Variants in ROS1 observed in about 807,000 individuals in gnomAD.
ROS1 encodes the protein proto-oncogene tyrosine-protein kinase ROS.
A neutral mutation model predicts 273.5 loss-of-function variants in ROS1; 263 were observed. The ratio of observed to expected loss-of-function variants is 0.96; its 90% CI spans 0.87 to 1.06. ROS1 has a LOEUF of 1.06. Among genes scored for constraint, ROS1 ranks in the 50% least tolerant of loss-of-function variants. The pLI, the probability that ROS1 is intolerant of heterozygous loss-of-function variation, is 0.00. For missense variants in ROS1, 2,833 were observed against 2,751.1 expected (o/e 1.03, Z -0.67); for synonymous variants, 1,008 against 954.1 (o/e 1.06, Z -1.04).
At chr6:117,342,364 T>A (rs372790404) in intron 29 of ROS1, 36 bp downstream of exon 29, 40 of 1,594,428 alleles carry the variant, frequency 2.5e-5, no homozygotes, top group Non-Finnish European at 3.3e-5. Context: ...ATCACAATAT[T>A]CTGCTTGAGA....
intron 32 of ROS1, among the ~76,000 whole-genome samples, chr6:117,336,695 T>C (rs1777505731): frequency 6.6e-6 from 1 of 152,172 alleles, no homozygotes; most frequent in Non-Finnish European, 1.5e-5. Flanking sequence ...TAACTAGTAA[T>C]GTAATTTCTA....
chr6:117,334,542 A>C (rs1370763717), intron 32 of ROS1, among the ~76,000 whole-genome samples: 1 of 152,220 alleles, frequency 6.6e-6, no homozygotes, highest in Non-Finnish European at 1.5e-5. Context: ...AGCCAAGACA[A>C]TCCTAAGCAA....
intron 27 of ROS1, among the ~76,000 whole-genome samples, chr6:117,348,978 T>C (rs1778595499): frequency 6.6e-6 from 1 of 152,008 alleles, no homozygotes; most frequent in Non-Finnish European, 1.5e-5. Context: ...TTAAATTTGT[T>C]GAAGTGTATT....
chr6:117,425,396 AT>A, intron 1 of ROS1, 137 bp downstream of exon 1: 1 of 758,924 alleles, frequency 1.3e-6, no homozygotes, highest in Non-Finnish European at 2.0e-6. Context: ...TTAAGAAAAA[AT>A]AATCTATCTT....
intron 33 of ROS1, among the ~76,000 whole-genome samples, chr6:117,326,782 C>T (rs1562274882): frequency 6.6e-6 from 1 of 152,110 alleles, no homozygotes; most frequent in Non-Finnish European, 1.5e-5. Flanking sequence ...AATTTTCAGT[C>T]TTTTACATTA....
chr6:117,418,409 T>A, intron 2 of ROS1, 53 bp downstream of exon 2: 1 of 1,264,240 alleles, frequency 7.9e-7, no homozygotes, highest in Admixed American at 1.9e-5. Context: ...CATTGTCCCT[T>A]CATTATCAAC....
rs770688968 is a variant in ROS1, at chr6:117,308,888, G to A, written c.6457C>T (p.His2153Tyr). The change falls in exon 42 of 44, where the codon CAT (histidine) becomes TAT (tyrosine). Residue 2153 changes from histidine to tyrosine, a missense_variant. Physicochemically the swap from His to Tyr is moderately conservative, Grantham distance 83. Transcript: ENST00000368507. ...TTGGAATGAGCTGGATAAGGCTGATGACCAAGAGTTAAAATCTCCCAAATC... is the reference window on the plus strand; with the variant it reads ...TTGGAATGAGCTGGATAAGGCTGATAACCAAGAGTTAAAATCTCCCAAATC... ...ILIWEILTLG[H>Y]QPYPAHSNLD... 10 of 1,613,258 alleles carry A rather than the reference G, an allele frequency of 6.2e-6. No individual in the cohort carries two copies. The highest frequency in any genetic ancestry group is 1.7e-4 in the Middle Eastern group (1 of 6,054).
Position 117,341,593 on chromosome 6 carries a change from G to T in ROS1, c.4691C>A (p.Ser1564Ter). 2 of 1,613,636 alleles carry T rather than the reference G, an allele frequency of 1.2e-6. No homozygotes were observed. Among genetic ancestry groups the T allele is most frequent in the South Asian group, 2.2e-5 (2 of 91,046 alleles). ...AVQLINTTVRSDTSLIISWRE... is the reference protein window; with the variant it reads ...AVQLINTTVR ...CCAAGATATAATGAGGCTGGTGTCT[G>T]ACCGCACAGTTGTATTAATGAGCTG... The change falls in exon 30 of 44, where the codon TCA (serine) becomes TAA (stop). Residue 1564 changes from serine (S) to a stop codon, truncating the protein, a stop_gained. Coordinates refer to ENST00000368507, the MANE Select transcript of ROS1 (RefSeq NM_001378902.1). LOFTEE classifies it high-confidence loss of function.
intron 18 of ROS1, among the ~76,000 whole-genome samples, chr6:117,367,367 A>T (rs1471203170): frequency 6.6e-6 from 1 of 152,226 alleles, no homozygotes; most frequent in East Asian, 1.9e-4. Flanking sequence ...ACAGCTCTTA[A>T]ATGTGGTAGC....
chr6:117,360,492 C>G lies in ROS1; in HGVS notation c.3367-87G>C, dbSNP rs181870154. The G allele has an allele frequency of 8.4e-6, 7 of 837,680 alleles. No homozygotes were observed. The Admixed American group carries it at 1.4e-4, about 17-fold the overall frequency. 51.9% of individuals were successfully genotyped at this position (837,680 alleles called of 1,614,324 possible). ...GAGACTGAGAGATTACTAAATGTTTCATTTCATACTCCTGATACACAATAT... is the reference window on the plus strand; with the variant it reads ...GAGACTGAGAGATTACTAAATGTTTGATTTCATACTCCTGATACACAATAT... On this transcript the variant is annotated intron_variant, in intron 22 of 43. Transcript: ENST00000368507.
chr6:117,306,057 G>C (rs1469256927), intron 42 of ROS1, among the ~76,000 whole-genome samples: 15 of 125,212 alleles, frequency 1.2e-4, no homozygotes, highest in Non-Finnish European at 6.5e-5. Context: ...TTTCAAAATA[G>C]CACAGGACTC....
intron 17 of ROS1, among the ~76,000 whole-genome samples, chr6:117,380,498 AT>A (rs3839365): frequency 3.6e-4 from 53 of 148,988 alleles, no homozygotes; most frequent in South Asian, 1.9e-3. Context: ...AGATCTATTG[AT>A]TTTTTTTTTT....
chr6:117,365,555 G>T, intron 20 of ROS1, 26 bp downstream of exon 20: 1 of 1,599,330 alleles, frequency 6.3e-7, no homozygotes, highest in Non-Finnish European at 8.6e-7. Flanking sequence ...TTTGGGAAAT[G>T]AAAGTTACTA....
chr6:117,398,956 G>A (rs556678349), intron 7 of ROS1, among the ~76,000 whole-genome samples: 20 of 149,320 alleles, frequency 1.3e-4, no homozygotes, highest in African/African-American at 4.5e-4. Context: ...CTGGGCAACA[G>A]CGAGACTCTG....
chr6:117,335,939 A>G (rs1449208636), intron 32 of ROS1, among the ~76,000 whole-genome samples: 1 of 152,154 alleles, frequency 6.6e-6, no homozygotes, highest in Non-Finnish European at 1.5e-5. Context: ...CGTTCTGCAC[A>G]TGTATCTTAT....
rs953682310 is a variant in ROS1, at chr6:117,383,628, G to T, written c.2290-120C>A. ...TCATTCATTCATTCAACCACAAATAGTGATTGGCACTATGTGCTGGGTAGT... is the reference window on the plus strand; with the variant it reads ...TCATTCATTCATTCAACCACAAATATTGATTGGCACTATGTGCTGGGTAGT... On this transcript the variant is annotated intron_variant, in intron 16 of 43. Transcript: ENST00000368507. The T allele has an allele frequency of 5.0e-6, 4 of 806,664 alleles. No homozygotes were observed. In the African/African-American group the frequency reaches 5.1e-5, roughly 10 times the overall value. The allele number at this position is 806,664 out of a possible 1,614,324, so 50.0% of individuals were successfully genotyped here.
At chr6:117,317,058 C>T (rs2128555272) in intron 39 of ROS1, 85 bp downstream of exon 39, 1 of 1,382,672 alleles carries the variant, frequency 7.2e-7, no homozygotes, top group South Asian at 1.4e-5. Flanking sequence ...TTTACCACTG[C>T]AGCCTATTAA....
intron 42 of ROS1, among the ~76,000 whole-genome samples, chr6:117,304,280 C>T (rs568042930): frequency 1.4e-4 from 22 of 152,164 alleles, no homozygotes; most frequent in African/African-American, 5.1e-4. Flanking sequence ...ATATTATAAT[C>T]GATGTCAGAT....
In ROS1 at chr6:117,317,186, C is replaced by A. The variant is rs1468447100; in HGVS notation, c.6074G>T (p.Gly2025Val). Residue 2025 changes from glycine to valine, a missense_variant, in exon 39 of 44, where the codon GGA (glycine) becomes GTA (valine). Coordinates refer to ENST00000368507, the MANE Select transcript of ROS1 (RefSeq NM_001378902.1). Reference sequence around the variant, plus strand: ...ACGCAAATAAGTAAGAAGGTCTCCTCCCTCCATCAGTTCCAGGATAATGTA... The same window carrying A: ...ACGCAAATAAGTAAGAAGGTCTCCTACCTCCATCAGTTCCAGGATAATGTA... ...PQYIILELME[G>V]GDLLTYLRKA... 6.2e-6 allele frequency: 10 copies of A among 1,613,394 alleles called. No homozygotes were observed. The highest frequency in any genetic ancestry group is 7.6e-6 in the Non-Finnish European group (9 of 1,179,620).
Sources: gnomAD v4.1 joint callset for allele counts (sites outside exome capture counted in the v4.1 genomes callset) on GRCh38, gnomAD v4.1.1 for gene constraint, MANE v1.5 for transcripts, NCBI Gene and HGNC (gene_info 2026-07-23, HGNC 2026-07-21) for gene names.